Variants in GNAS-AS1 observed in about 807,000 individuals in gnomAD.
GNAS-AS1 encodes the protein GNAS antisense RNA 1.
At chr20:58,836,697 C>T (rs1182646312) in intron 4 of GNAS-AS1, among the ~76,000 whole-genome samples, 1 of 152,194 alleles carries the variant, frequency 6.6e-6, no homozygotes, top group Non-Finnish European at 1.5e-5. Context: ...GCACGTAATG[C>T]ATTTTAAAGA....
At chr20:58,848,052 G>T (rs2086002809) in intron 2 of GNAS-AS1, among the ~76,000 whole-genome samples, 1 of 152,166 alleles carries the variant, frequency 6.6e-6, no homozygotes, top group African/African-American at 2.4e-5. Flanking sequence ...TTCTATTGGG[G>T]GTTCCATATT....
chr20:58,833,546 T>C (rs1404567094), intron 4 of GNAS-AS1, among the ~76,000 whole-genome samples: 2 of 151,906 alleles, frequency 1.3e-5, no homozygotes, highest in African/African-American at 4.8e-5. Context: ...GACCAACCCA[T>C]CCAACACCTC....
chr20:58,847,462 G>T (rs564759755), intron 2 of GNAS-AS1, among the ~76,000 whole-genome samples: 1 of 152,328 alleles, frequency 6.6e-6, no homozygotes, highest in African/African-American at 2.4e-5. Context: ...GTAATTAATT[G>T]TACAGCTTCA....
rs1568907867 is a variant in GNAS-AS1, at chr20:58,840,469, C to T, written n.819+1468G>A. On this transcript the variant is annotated intron_variant and non_coding_transcript_variant, in intron 4 of 4. Transcript: ENST00000424094. The surrounding 1 kb of genome is among the most constrained non-coding windows in gnomAD (Gnocchi z 6.0). ...GCGAGACCGAGTCCGAAATCGAGTC[C>T]GAGACCGACTTCGAGACCGAGCCTG... 6.2e-7 allele frequency: 1 copy of T among 1,613,552 alleles called. No homozygotes were observed. Among genetic ancestry groups the T allele is most frequent in the South Asian group, 1.1e-5 (1 of 91,068 alleles).
intron 4 of GNAS-AS1, among the ~76,000 whole-genome samples, chr20:58,834,913 T>C (rs1312621263): frequency 1.3e-5 from 2 of 152,214 alleles, no homozygotes; most frequent in African/African-American, 4.8e-5. Flanking sequence ...TTTCCCTCTA[T>C]TGTTTGCTTT....
chr20:58,841,322 G>T lies in GNAS-AS1; in HGVS notation n.819+615C>A, dbSNP rs1396282567. On this transcript the variant is annotated intron_variant and non_coding_transcript_variant, in intron 4 of 4. Transcript: ENST00000424094. This position sits in a 1 kb window ranked among gnomAD's most constrained non-coding sequence, Gnocchi z 5.0. ...CAAAATGTGGTTCGGAGGTGCGCGC[G>T]CCAACTTTCACGATGTGAGAGCAGC... 3.8e-6 allele frequency: 4 copies of T among 1,059,378 alleles called. No homozygotes were observed. The highest frequency in any genetic ancestry group is 4.6e-6 in the Non-Finnish European group (4 of 875,740). The allele number at this position is 1,059,378 out of a possible 1,614,324, so 65.6% of individuals were successfully genotyped here. A position where few individuals can be genotyped will look rare whatever the true frequency, so the allele number is the denominator to read the frequency against.
intron 2 of GNAS-AS1, among the ~76,000 whole-genome samples, chr20:58,844,519 A>G (rs1180451554): frequency 6.6e-6 from 1 of 152,200 alleles, no homozygotes; most frequent in Non-Finnish European, 1.5e-5. Context: ...GGTTGCTTCT[A>G]GCCATGGTCA....
Position 58,840,234 on chromosome 20 carries a change from G to A in GNAS-AS1, n.819+1703C>T, listed in dbSNP as rs754780507. The A allele has an allele frequency of 1.4e-5, 22 of 1,610,822 alleles. No homozygotes were observed. The highest frequency in any genetic ancestry group is 1.8e-5 in the Non-Finnish European group (21 of 1,179,812). ...CTCTCCTGCTCCATCGCGCTCCTCC[G>A]CGCCCTTGCCACCTCCAACGCCCGT... is the stretch of plus-strand genomic sequence containing the variant. On this transcript the variant is annotated intron_variant and non_coding_transcript_variant, in intron 4 of 4. Coordinates refer to ENST00000424094, the Ensembl canonical transcript of GNAS-AS1. The surrounding 1 kb of genome is among the most constrained non-coding windows in gnomAD (Gnocchi z 6.0).
chr20:58,849,460 T>A (rs935599687), intron 1 of GNAS-AS1, among the ~76,000 whole-genome samples: 1 of 152,268 alleles, frequency 6.6e-6, no homozygotes, highest in African/African-American at 2.4e-5. Flanking sequence ...TTCATCTTTG[T>A]AAGTACGATT....
chr20:58,842,062 G>GGAGGC (rs955646200), exon 4 of GNAS-AS1: 57 of 456,494 alleles, frequency 1.2e-4, no homozygotes, highest in Non-Finnish European at 1.8e-4. Flanking sequence ...CTTGGGGAGG[G>GGAGGC]GAGGCGAGGC....
At chr20:58,823,646 C>G (rs987677288) in intron 4 of GNAS-AS1, among the ~76,000 whole-genome samples, 8 of 152,244 alleles carry the variant, frequency 5.3e-5, no homozygotes, top group Admixed American at 4.6e-4. Context: ...CTGCCATCAC[C>G]CTGGATGTGG....
chr20:58,823,338 C>A (rs2085498295), intron 4 of GNAS-AS1, among the ~76,000 whole-genome samples: 2 of 152,248 alleles, frequency 1.3e-5, no homozygotes, highest in Non-Finnish European at 2.9e-5. Flanking sequence ...CTATTCCAAT[C>A]ATGCCATTCT....
At chr20:58,839,822 G>A (rs2085653430) in intron 4 of GNAS-AS1, 1 of 593,262 alleles carries the variant, frequency 1.7e-6, no homozygotes, top group South Asian at 2.1e-5. Context: ...CGGAATCTAA[G>A]ACTCAGCGAG....
chr20:58,843,583 A>T (rs535139811), intron 2 of GNAS-AS1, among the ~76,000 whole-genome samples: 1 of 152,332 alleles, frequency 6.6e-6, no homozygotes, highest in Admixed American at 6.5e-5. Context: ...CCCAAGAAAA[A>T]GCAGATCTTA....
intron 4 of GNAS-AS1, among the ~76,000 whole-genome samples, chr20:58,822,953 G>A (rs1411115616): frequency 2.0e-5 from 3 of 152,070 alleles, no homozygotes; most frequent in Non-Finnish European, 4.4e-5. Context: ...ACACAGTTCT[G>A]TCCGCCCCTG....
At position 58,840,677 on chromosome 20, in the gene GNAS-AS1, G is replaced by A. The variant is rs762734492; in HGVS notation, n.819+1260C>T. 2 of 1,604,990 alleles carry A rather than the reference G, an allele frequency of 1.2e-6. No individual in the cohort carries two copies. The highest frequency in any genetic ancestry group is 4.5e-5 in the East Asian group (2 of 44,826). On this transcript the variant is annotated intron_variant and non_coding_transcript_variant, in intron 4 of 4. Coordinates refer to ENST00000424094, the Ensembl canonical transcript of GNAS-AS1. The surrounding 1 kb of genome is among the most constrained non-coding windows in gnomAD (Gnocchi z 6.0). ...TCAGGAGCCCCAGAGCCCCAGGGAA[G>A]GGGAGGAGCTCAAGCCCGAGGACAA... is the stretch of plus-strand genomic sequence containing the variant.
intron 4 of GNAS-AS1, chr20:58,836,272 C>T (rs2085602425): frequency 6.6e-6 from 1 of 152,166 alleles, no homozygotes; most frequent in Admixed American, 6.5e-5. Flanking sequence ...TGACAAAGCG[C>T]CAACTTTCTG....
At chr20:58,844,396 G>A (rs996679689) in intron 2 of GNAS-AS1, among the ~76,000 whole-genome samples, 2 of 152,168 alleles carry the variant, frequency 1.3e-5, no homozygotes, top group African/African-American at 4.8e-5. Context: ...ATGAGAGATG[G>A]AATTTCTTGT....
At chr20:58,825,800 C>G (rs1384276247) in intron 4 of GNAS-AS1, among the ~76,000 whole-genome samples, 1 of 152,190 alleles carries the variant, frequency 6.6e-6, no homozygotes, top group East Asian at 1.9e-4. Flanking sequence ...CTACCCTGTT[C>G]AAGGCCCAGA....
Sources: allele counts gnomAD v4.1 joint callset (sites outside exome capture counted in the v4.1 genomes callset), GRCh38; gene constraint gnomAD v4.1.1; non-coding constraint Gnocchi (gnomAD v3.1); transcripts MANE v1.5; gene names NCBI Gene and HGNC (gene_info 2026-07-23, HGNC 2026-07-21).